Variants in PARN observed in about 807,000 individuals in gnomAD.
PARN encodes the protein poly(A)-specific ribonuclease PARN.
PARN carries 71 observed loss-of-function variants against 102.8 expected under a neutral mutation model. The ratio of observed to expected loss-of-function variants is 0.69; its 90% confidence interval spans 0.57 to 0.84. The LOEUF (loss-of-function observed/expected upper bound fraction) is 0.84. Among genes scored for constraint, PARN ranks in the 40% least tolerant of loss-of-function variants. The probability of loss-of-function intolerance (pLI) is 0.00; values close to 1 mark genes in which losing one functional copy is unlikely to be tolerated. For synonymous variants in PARN, 261 were observed against 252.9 expected (o/e 1.03, Z -0.30); for missense variants, 782 against 760.9 (o/e 1.03, Z -0.33).
At chr16:14,579,917 C>T (rs1024871656) in intron 18 of PARN, among the ~76,000 whole-genome samples, 3 of 150,354 alleles carry the variant, frequency 2.0e-5, no homozygotes, top group African/African-American at 4.9e-5. Context: ...CAGACATTGC[C>T]GTGAGCTGAG....
At chr16:14,519,787 T>C (rs72787648) in intron 21 of PARN, among the ~76,000 whole-genome samples, 26,388 of 152,178 alleles carry the variant, frequency 0.17, 2,622 homozygotes, top group Middle Eastern at 0.27. Flanking sequence ...GCTTTTCCTA[T>C]ACCAATTGCC....
chr16:14,552,209 G>GC, intron 20 of PARN, 114 bp from the exon 21 acceptor site: 1 of 669,570 alleles, frequency 1.5e-6, no homozygotes, highest in African/African-American at 1.8e-5. Flanking sequence ...GAGAGAAGGT[G>GC]CTTATTTAAA....
chr16:14,574,482 A>G (rs1168441489), intron 18 of PARN, among the ~76,000 whole-genome samples: 1 of 152,182 alleles, frequency 6.6e-6, no homozygotes, highest in East Asian at 1.9e-4. Context: ...TGGGAAGCCA[A>G]GGTGGGCAGA....
intron 21 of PARN, among the ~76,000 whole-genome samples, chr16:14,533,678 G>A (rs989041449): frequency 2.6e-5 from 4 of 152,098 alleles, no homozygotes; most frequent in African/African-American, 4.8e-5. Flanking sequence ...ACTTATGACC[G>A]GAGGGTGAGC....
At chr16:14,495,816 G>A (rs1227814244) in intron 21 of PARN, among the ~76,000 whole-genome samples, 1 of 152,178 alleles carries the variant, frequency 6.6e-6, no homozygotes, top group Non-Finnish European at 1.5e-5. Context: ...GTCTGACAGA[G>A]GCACAGAAGG....
intron 21 of PARN, among the ~76,000 whole-genome samples, chr16:14,517,999 G>A (rs75795353): frequency 5.8e-4 from 88 of 151,996 alleles, no homozygotes; most frequent in African/African-American, 1.8e-3. Context: ...GATGTTGAGG[G>A]GGTGTTATCT....
chr16:14,616,390 G>T (rs77386456), intron 6 of PARN, among the ~76,000 whole-genome samples: 1 of 152,174 alleles, frequency 6.6e-6, no homozygotes, highest in Non-Finnish European at 1.5e-5. Flanking sequence ...ATTATCAATC[G>T]TGCAGTCTCT....
chr16:14,523,560 C>G (rs915923644), intron 21 of PARN, among the ~76,000 whole-genome samples: 2 of 152,194 alleles, frequency 1.3e-5, no homozygotes. Context: ...TTTCTCCGAA[C>G]ACAGTCAGAG....
chr16:14,619,797 T>A (rs574190016), intron 5 of PARN, among the ~76,000 whole-genome samples: 4 of 147,838 alleles, frequency 2.7e-5, no homozygotes, highest in Non-Finnish European at 6.0e-5. Context: ...ACAGGTTGAG[T>A]GTGATGGCTC....
At chr16:14,504,505 G>T (rs1320881590) in intron 21 of PARN, among the ~76,000 whole-genome samples, 2 of 152,194 alleles carry the variant, frequency 1.3e-5, no homozygotes, top group African/African-American at 2.4e-5. Flanking sequence ...GTTGCAGTGA[G>T]CAGAGATTGC....
chr16:14,508,306 G>T (rs894263305), intron 21 of PARN, among the ~76,000 whole-genome samples: 1 of 152,226 alleles, frequency 6.6e-6, no homozygotes, highest in East Asian at 1.9e-4. Flanking sequence ...AAGGTAGGGG[G>T]ATTGCTTGAG....
intron 13 of PARN, 41 bp downstream of exon 13, chr16:14,593,260 G>T (rs761231224): frequency 1.9e-6 from 2 of 1,047,410 alleles, no homozygotes; most frequent in Non-Finnish European, 3.0e-6. Context: ...CAGATAAAAA[G>T]AATCCTGCTA....
chr16:14,598,418 A>G (rs1180470221), intron 12 of PARN, among the ~76,000 whole-genome samples: 2 of 152,158 alleles, frequency 1.3e-5, no homozygotes, highest in Non-Finnish European at 2.9e-5. Flanking sequence ...GGAAAAGCTG[A>G]CTGAACTATC....
intron 6 of PARN, among the ~76,000 whole-genome samples, chr16:14,617,076 TAAA>T (rs869261969): frequency 7.1e-6 from 1 of 140,746 alleles, no homozygotes; most frequent in Admixed American, 7.2e-5. Context: ...TGTTTTTTTT[TAAA>T]AAAAAAAAAA....
intron 5 of PARN, among the ~76,000 whole-genome samples, chr16:14,626,716 A>G (rs979401004): frequency 1.3e-5 from 2 of 150,490 alleles, no homozygotes. Flanking sequence ...GGTTCACGCC[A>G]TTCTCCTGCC....
intron 4 of PARN, 22 bp from the exon 5 acceptor site, chr16:14,627,209 C>G (rs780885379): frequency 6.3e-7 from 1 of 1,575,444 alleles, no homozygotes; most frequent in Admixed American, 1.7e-5. Flanking sequence ...TAAAAGGAGA[C>G]TTAGGAGGTG....
chr16:14,515,548 T>C (rs575099206), intron 21 of PARN, among the ~76,000 whole-genome samples: 2 of 152,158 alleles, frequency 1.3e-5, no homozygotes, highest in South Asian at 4.2e-4. Context: ...CTACGGCCAA[T>C]GAATGCATGA....
At chr16:14,544,224 T>G (rs536123228) in intron 21 of PARN, among the ~76,000 whole-genome samples, 43 of 152,142 alleles carry the variant, frequency 2.8e-4, no homozygotes, top group African/African-American at 1.0e-3. Flanking sequence ...AGCTATACAC[T>G]GTCTACAAGA....
chr16:14,600,054 T>G, intron 11 of PARN, 94 bp from the exon 12 acceptor site: 1 of 670,060 alleles, frequency 1.5e-6, no homozygotes, highest in Admixed American at 3.1e-5. Context: ...ACTGAAATTT[T>G]GTATCAAGTT....
Sources: allele counts gnomAD v4.1 joint callset (sites outside exome capture counted in the v4.1 genomes callset), GRCh38; gene constraint gnomAD v4.1.1; transcripts MANE v1.5; gene names NCBI Gene and HGNC (gene_info 2026-07-23, HGNC 2026-07-21).